Variants in NPHP4 observed in about 807,000 individuals in gnomAD.
The protein encoded by NPHP4 is nephrocystin 4.
Under a neutral mutation model 155.8 loss-of-function variants are expected in NPHP4, and 151 were observed. That is an observed-to-expected ratio of 0.97 (90% CI 0.85 to 1.11). The LOEUF is 1.11. NPHP4 is among the 50% of genes least tolerant of loss of function. The pLI is 0.00. For missense variants in NPHP4, 1,956 were observed against 1,925.7 expected, an observed-to-expected ratio of 1.02 and a Z score of -0.29; for synonymous variants, 845 against 816.8, an observed-to-expected ratio of 1.03 and a Z score of -0.59.
intron 11 of NPHP4, among the ~76,000 whole-genome samples, chr1:5,909,770 G>T (rs1408989721): frequency 6.6e-6 from 1 of 152,146 alleles, no homozygotes; most frequent in Non-Finnish European, 1.5e-5. Flanking sequence ...AGCCCTTCAT[G>T]GGGTCCCCCT....
intron 11 of NPHP4, among the ~76,000 whole-genome samples, chr1:5,925,151 G>A (rs1276260450): frequency 1.3e-5 from 2 of 152,180 alleles, no homozygotes; most frequent in Admixed American, 6.5e-5. Context: ...CATGGGTTCT[G>A]CATCCATGAA....
At chr1:5,990,366 G>T (rs1274704401) in intron 1 of NPHP4, among the ~76,000 whole-genome samples, 8 of 152,016 alleles carry the variant, frequency 5.3e-5, no homozygotes. Flanking sequence ...GGGCCTTTGG[G>T]GCCAAATCAA....
chr1:5,910,579 G>A lies in NPHP4; in HGVS notation c.1442-1366C>T, dbSNP rs1645130727. Among the ~76,000 whole-genome samples, 2 of 152,146 alleles carry A rather than the reference G, an allele frequency of 1.3e-5. No homozygotes were observed. The highest frequency in any genetic ancestry group is 2.9e-5 in the Non-Finnish European group (2 of 68,034). Reference sequence around the variant, plus strand: ...CAGGCCGGCACTTACGGGACCTACGGACCAAGCACACAGCACAGAGGCCTG... The same window carrying A: ...CAGGCCGGCACTTACGGGACCTACGAACCAAGCACACAGCACAGAGGCCTG... On this transcript the variant is annotated intron_variant, in intron 11 of 29. Transcript: ENST00000378156. The surrounding 1 kb of genome is among the most constrained non-coding windows in gnomAD (Gnocchi z 5.4).
intron 23 of NPHP4, among the ~76,000 whole-genome samples, chr1:5,869,665 CAGAT>C (rs1641799316): frequency 6.6e-6 from 1 of 152,174 alleles, no homozygotes; most frequent in Non-Finnish European, 1.5e-5. Flanking sequence ...CTTGCACTGA[CAGAT>C]AGTGTCTAGC....
intron 11 of NPHP4, among the ~76,000 whole-genome samples, chr1:5,919,969 A>G (rs562588695): frequency 2.6e-5 from 4 of 152,120 alleles, no homozygotes; most frequent in South Asian, 4.1e-4. Context: ...GTCTCACTCT[A>G]TCGTCCAGGC....
At chr1:5,985,926 C>T (rs1655414712) in intron 2 of NPHP4, among the ~76,000 whole-genome samples, 2 of 152,204 alleles carry the variant, frequency 1.3e-5, no homozygotes, top group South Asian at 4.1e-4. Context: ...TACAACTGGG[C>T]AAAGTCATCT....
rs1221433760 is a variant in NPHP4 at position 5,910,540 on chromosome 1, T to C, written c.1442-1327A>G. On this transcript the variant is annotated intron_variant, in intron 11 of 29. Transcript: ENST00000378156. The surrounding 1 kb of genome is among the most constrained non-coding windows in gnomAD (Gnocchi z 5.4). ...TATATGTCCTGGTATCCTGAATTCC[T>C]ATGGCACAGAGCACAGGCCGGCACT... is the stretch of plus-strand genomic sequence containing the variant. Among the ~76,000 whole-genome samples the C allele has an allele frequency of 6.6e-6, 1 of 152,136 alleles. No homozygotes were observed. Among genetic ancestry groups the C allele is most frequent in the Non-Finnish European group, 1.5e-5 (1 of 68,026 alleles).
intron 11 of NPHP4, among the ~76,000 whole-genome samples, chr1:5,916,695 C>T (rs1645490323): frequency 6.6e-6 from 1 of 152,210 alleles, no homozygotes; most frequent in African/African-American, 2.4e-5. Flanking sequence ...AAGCATGGTT[C>T]CCCACAGCTC....
intron 16 of NPHP4, among the ~76,000 whole-genome samples, chr1:5,900,882 A>C (rs1288775658): frequency 6.6e-6 from 1 of 151,962 alleles, no homozygotes; most frequent in Non-Finnish European, 1.5e-5. Context: ...ACTACAAAAA[A>C]AATATTAGTT....
chr1:5,875,288 A>AG (rs1453915282), intron 20 of NPHP4, among the ~76,000 whole-genome samples, 188 bp from the exon 21 acceptor site: 3 of 152,122 alleles, frequency 2.0e-5, no homozygotes, highest in African/African-American at 7.2e-5. Context: ...CATGGATCTC[A>AG]GGCAGTGCTG....
chr1:5,906,977 C>T (rs1644939725), intron 13 of NPHP4, 138 bp downstream of exon 13: 2 of 485,524 alleles, frequency 4.1e-6, no homozygotes, highest in Non-Finnish European at 7.5e-6. Context: ...AGCAATGCCC[C>T]ACTCCCACCC....
intron 29 of NPHP4, chr1:5,863,636 C>T: frequency 1.6e-6 from 1 of 621,356 alleles, no homozygotes; most frequent in Middle Eastern, 4.3e-4. Flanking sequence ...ATTTCCGAGA[C>T]TGAGCTGTCT....
rs372205414 is a variant in NPHP4, at chr1:5,874,465, C to A, written c.3231+6G>T. 2.6e-6 allele frequency: 4 copies of A among 1,522,008 alleles called. No homozygotes were observed. In the East Asian group the frequency reaches 9.7e-5, roughly 37 times the overall value. 94.3% of individuals were successfully genotyped at this position (1,522,008 alleles called of 1,614,324 possible). A position where few individuals can be genotyped will look rare whatever the true frequency, so the allele number is the denominator to read the frequency against. The stretch of plus-strand genomic sequence containing the variant: ...TGCAACTTCCCTGTGTGCCTGACAC[C>A]CGCACCTGCACCATGGCCAGCTGCC... On this transcript the variant is annotated splice_donor_region_variant and intron_variant, in intron 22 of 29. Transcript: ENST00000378156.
intron 6 of NPHP4, among the ~76,000 whole-genome samples, chr1:5,961,145 G>A (rs767272996): frequency 1.3e-5 from 2 of 152,088 alleles, no homozygotes; most frequent in East Asian, 3.9e-4. Flanking sequence ...AAAGAATGCC[G>A]GCCACTGAAG....
At chr1:5,991,708 C>T (rs925414746) in intron 1 of NPHP4, among the ~76,000 whole-genome samples, 28 of 151,824 alleles carry the variant, frequency 1.8e-4, no homozygotes, top group African/African-American at 6.5e-4. Flanking sequence ...TACAAAGCCT[C>T]GCAGGGACGC....
chr1:5,893,727 G>A (rs11122107), intron 16 of NPHP4, among the ~76,000 whole-genome samples: 60,163 of 151,944 alleles, frequency 0.4, 12,557 homozygotes, highest in East Asian at 0.78. Flanking sequence ...AAACTCCCCC[G>A]GGGAAAGAGA....
At chr1:5,940,607 C>T (rs1254423128) in intron 9 of NPHP4, among the ~76,000 whole-genome samples, 2 of 152,010 alleles carry the variant, frequency 1.3e-5, no homozygotes, top group African/African-American at 4.8e-5. Flanking sequence ...AGTAAAATTG[C>T]TTAAATAATA....
At chr1:5,896,434 G>A (rs1047472372) in intron 16 of NPHP4, among the ~76,000 whole-genome samples, 12 of 152,306 alleles carry the variant, frequency 7.9e-5, no homozygotes, top group Admixed American at 5.9e-4. Context: ...AAGGAGCTGC[G>A]AAGAATCTGA....
intron 7 of NPHP4, among the ~76,000 whole-genome samples, chr1:5,952,150 G>A (rs185782847): frequency 4.7e-4 from 72 of 152,294 alleles, no homozygotes; most frequent in Admixed American, 2.4e-3. Context: ...CCTGTGACAC[G>A]GGCAGGCCGA....
Sources: gnomAD v4.1 joint callset for allele counts (sites outside exome capture counted in the v4.1 genomes callset) on GRCh38, gnomAD v4.1.1 for gene constraint, Gnocchi (gnomAD v3.1) non-coding constraint, MANE v1.5 for transcripts, NCBI Gene and HGNC (gene_info 2026-07-23, HGNC 2026-07-21) for gene names.